FMN2: variants seen among roughly 807,000 people sequenced by gnomAD.
The protein encoded by FMN2 is formin 2.
A neutral mutation model predicts 142.3 loss-of-function variants in FMN2; 51 were observed. The ratio of observed to expected loss-of-function variants is 0.36; its 90% CI spans 0.29 to 0.45. The LOEUF (loss-of-function observed/expected upper bound fraction) is 0.45, where lower values mean the gene tolerates loss of function less well. Ranked by LOEUF, FMN2 falls within the 20% of genes least tolerant of loss-of-function variation. FMN2 has a pLI of 1.00. For synonymous variants in FMN2, 882 were observed against 869.8 expected (o/e 1.01, Z -0.25); for missense variants, 1,936 against 2,122.8 (o/e 0.91, Z 1.73).
chr1:240,241,470 T>G (rs1262579147), intron 6 of FMN2, among the ~76,000 whole-genome samples: 1 of 152,192 alleles, frequency 6.6e-6, no homozygotes, highest in Non-Finnish European at 1.5e-5. Context: ...TCTCAGGGAC[T>G]GCCTACAGCA....
At chr1:240,416,919 G>T (rs1674597316) in intron 15 of FMN2, among the ~76,000 whole-genome samples, 1 of 151,440 alleles carries the variant, frequency 6.6e-6, no homozygotes. Flanking sequence ...TATACTCAGA[G>T]CTCTAGCTTT....
intron 14 of FMN2, among the ~76,000 whole-genome samples, chr1:240,372,056 T>C (rs975138621): frequency 3.3e-5 from 5 of 151,964 alleles, no homozygotes; most frequent in African/African-American, 1.2e-4. Context: ...GTCAACGTGG[T>C]GAAACCCCGT....
At chr1:240,362,888 A>T (rs1672539609) in intron 14 of FMN2, among the ~76,000 whole-genome samples, 1 of 152,190 alleles carries the variant, frequency 6.6e-6, no homozygotes, top group Admixed American at 6.5e-5. Flanking sequence ...CTTGCTCTTC[A>T]TACTTCTACC....
rs115790596 is a variant in FMN2 at position 240,321,768 on chromosome 1, A to C, written c.4216-7308A>C. On this transcript the variant is annotated intron_variant, in intron 8 of 17. Transcript: ENST00000319653. ...ACAGATTCCAGCTATAAGCCAGACA[A>C]TAAACAGAACTTCAAAAATGTTAAA... Among the ~76,000 whole-genome samples the C allele has an allele frequency of 5.4e-3, 819 of 152,318 alleles. 5 individuals carry two copies. The highest frequency in any genetic ancestry group is 0.019 in the African/African-American group (792 of 41,572).
At chr1:240,101,767 G>A (rs1193375405) in intron 1 of FMN2, among the ~76,000 whole-genome samples, 9 of 149,226 alleles carry the variant, frequency 6.0e-5, no homozygotes, top group Admixed American at 5.4e-4. Flanking sequence ...GGCTGGTCTC[G>A]ATAGGGCCTT....
chr1:240,201,906 A>T (rs971404873), intron 4 of FMN2, among the ~76,000 whole-genome samples: 1 of 152,188 alleles, frequency 6.6e-6, no homozygotes, highest in Non-Finnish European at 1.5e-5. Flanking sequence ...CTAAGGTGAC[A>T]CTTTTCAAAG....
At chr1:240,209,896 T>G (rs1022640618) in intron 5 of FMN2, among the ~76,000 whole-genome samples, 3 of 150,902 alleles carry the variant, frequency 2.0e-5, no homozygotes, top group Non-Finnish European at 4.4e-5. Context: ...AGAGCGAGAG[T>G]CCGTCTCAAA....
chr1:240,267,675 C>T (rs1002451191), intron 7 of FMN2, among the ~76,000 whole-genome samples: 14 of 148,808 alleles, frequency 9.4e-5, no homozygotes, highest in African/African-American at 3.2e-4. Flanking sequence ...ATTAAAACAA[C>T]ATATAACAAA....
At chr1:240,134,018 A>T (rs191725601) in intron 2 of FMN2, among the ~76,000 whole-genome samples, 1 of 152,244 alleles carries the variant, frequency 6.6e-6, no homozygotes. Flanking sequence ...CCAAGGTCAC[A>T]TTAAAATTTT....
At chr1:240,302,820 CA>C (rs1219323065) in intron 8 of FMN2, among the ~76,000 whole-genome samples, 1 of 151,686 alleles carries the variant, frequency 6.6e-6, no homozygotes, top group African/African-American at 2.4e-5. Flanking sequence ...CAACCTAGGC[CA>C]AAAGATTATG....
intron 16 of FMN2, among the ~76,000 whole-genome samples, chr1:240,462,100 G>T (rs1040769943): frequency 1.1e-4 from 17 of 152,132 alleles, no homozygotes; most frequent in African/African-American, 4.1e-4. Context: ...GAGCATGTTT[G>T]TTCATTGTAA....
At chr1:240,277,450 T>C (rs1669253271) in intron 7 of FMN2, among the ~76,000 whole-genome samples, 1 of 151,328 alleles carries the variant, frequency 6.6e-6, no homozygotes, top group Non-Finnish European at 1.5e-5. Context: ...TTTTTTTTTT[T>C]CAAATAAATG....
intron 6 of FMN2, among the ~76,000 whole-genome samples, chr1:240,232,277 A>G (rs1667554552): frequency 7.2e-6 from 1 of 139,428 alleles, no homozygotes; most frequent in Non-Finnish European, 1.5e-5. Context: ...TTTTAAGTAG[A>G]GACAGGGTTT....
At chr1:240,190,015 A>AT (rs1263537215) in intron 4 of FMN2, among the ~76,000 whole-genome samples, 1 of 152,214 alleles carries the variant, frequency 6.6e-6, no homozygotes, top group East Asian at 1.9e-4. Flanking sequence ...AACAGGAAGT[A>AT]TTTGATAATA....
chr1:240,142,755 G>A, intron 2 of FMN2: 1 of 1,605,424 alleles, frequency 6.2e-7, no homozygotes, highest in Non-Finnish European at 8.5e-7. Context: ...GGCCAATTCT[G>A]CCCGTTCCCC....
chr1:240,285,758 C>T (rs1669568461), intron 7 of FMN2, among the ~76,000 whole-genome samples: 1 of 152,128 alleles, frequency 6.6e-6, no homozygotes. Flanking sequence ...TTCACAAGAT[C>T]TAAAACACTG....
At chr1:240,188,044 G>A (rs1482904442) in intron 3 of FMN2, among the ~76,000 whole-genome samples, 163 bp from the exon 4 acceptor site, 1 of 152,136 alleles carries the variant, frequency 6.6e-6, no homozygotes, top group Non-Finnish European at 1.5e-5. Flanking sequence ...ATATTGAAAA[G>A]TAGTCATATC....
intron 2 of FMN2, among the ~76,000 whole-genome samples, chr1:240,164,646 A>G (rs1281871567): frequency 1.4e-4 from 21 of 152,222 alleles, no homozygotes; most frequent in Admixed American, 1.4e-3. Flanking sequence ...AAAAAAGATC[A>G]TTACACTATC....
chr1:240,212,862 C>T (rs376430253), intron 6 of FMN2, among the ~76,000 whole-genome samples: 2 of 152,194 alleles, frequency 1.3e-5, no homozygotes, highest in Non-Finnish European at 2.9e-5. Flanking sequence ...TGGCATGGAG[C>T]CTCTCTCGTC....
Sources: gnomAD v4.1 joint callset for allele counts (sites outside exome capture counted in the v4.1 genomes callset) on GRCh38, gnomAD v4.1.1 for gene constraint, MANE v1.5 for transcripts, NCBI Gene and HGNC (gene_info 2026-07-23, HGNC 2026-07-21) for gene names.